The following DOCK2 variants were observed in gnomAD, a reference collection of about 807,000 sequenced individuals.
DOCK2 encodes dedicator of cytokinesis protein 2.
DOCK2 carries 87 observed loss-of-function variants against 248.9 expected under a neutral mutation model. The observed-to-expected ratio is 0.35, with a 90% CI of 0.29 to 0.42. The LOEUF is 0.42. Among genes scored for constraint, DOCK2 ranks in the 10% least tolerant of loss-of-function variants. The pLI is 1.00. For missense variants in DOCK2, 1,747 were observed against 2,300.2 expected (o/e 0.76, Z 4.92); for synonymous variants, 805 against 821.6 (o/e 0.98, Z 0.35).
chr5:169,690,258 T>A (rs1561603209), intron 9 of DOCK2, among the ~76,000 whole-genome samples: 2 of 152,142 alleles, frequency 1.3e-5, no homozygotes. Context: ...TAAGCTTCTT[T>A]GGGGAGAACA....
At chr5:169,681,403 C>T (rs769576153) in intron 6 of DOCK2, among the ~76,000 whole-genome samples, 6 of 150,952 alleles carry the variant, frequency 4.0e-5, no homozygotes, top group Admixed American at 4.0e-4. Flanking sequence ...GGATTACAGG[C>T]GTGAGTCACC....
chr5:169,766,410 T>C (rs951758037), intron 25 of DOCK2, among the ~76,000 whole-genome samples: 1 of 152,228 alleles, frequency 6.6e-6, no homozygotes, highest in Non-Finnish European at 1.5e-5. Context: ...TTTTAATCTT[T>C]TTTATGGCTG....
intron 23 of DOCK2, 120 bp from the exon 24 acceptor site, chr5:169,759,585 G>T: frequency 9.2e-7 from 1 of 1,084,134 alleles, no homozygotes; most frequent in East Asian, 2.5e-5. Flanking sequence ...CATCAATATT[G>T]TAATGTCCAG....
In DOCK2 at chr5:170,081,757, C is replaced by T. The variant is rs536958357; in HGVS notation, c.5288-85C>T. ...TGATCCCTGGATGCTGGCTCTGTCC[C>T]CCAGCCCTCCCCCTGTCTACCTCCC... On this transcript the variant is annotated intron_variant, in intron 50 of 51. Coordinates refer to ENST00000520908, the MANE Select transcript of DOCK2 (RefSeq NM_004946.3). 3,453 of 1,304,212 alleles carry T rather than the reference C, an allele frequency of 2.6e-3. 48 individuals carry two copies. The highest frequency in any genetic ancestry group is 3.2e-3 in the Non-Finnish European group (3,101 of 973,196). 80.8% of individuals were successfully genotyped at this position (1,304,212 alleles called of 1,614,324 possible).
intron 27 of DOCK2, among the ~76,000 whole-genome samples, chr5:169,844,736 C>T (rs1252391223): frequency 2.1e-5 from 3 of 146,242 alleles, no homozygotes; most frequent in Non-Finnish European, 1.5e-5. Context: ...TGCTCTGCCT[C>T]TTTTTTTTTT....
intron 44 of DOCK2, among the ~76,000 whole-genome samples, chr5:170,065,216 C>T (rs149319677): frequency 1.4e-3 from 217 of 151,960 alleles, no homozygotes; most frequent in African/African-American, 4.9e-3. Flanking sequence ...TTTATGTAAG[C>T]CTCAGGGTAA....
intron 27 of DOCK2, among the ~76,000 whole-genome samples, chr5:169,903,920 C>A (rs1466732292): frequency 6.6e-6 from 1 of 151,790 alleles, no homozygotes; most frequent in Non-Finnish European, 1.5e-5. Context: ...GCCAACATGG[C>A]GAAGCTCTGC....
intron 2 of DOCK2, among the ~76,000 whole-genome samples, chr5:169,668,536 G>A (rs956371205): frequency 1.3e-5 from 2 of 152,054 alleles, no homozygotes; most frequent in Non-Finnish European, 2.9e-5. Context: ...TGACAGACGC[G>A]TTTTATTTAC....
chr5:169,695,902 T>C lies in DOCK2; in HGVS notation c.943T>C (p.Cys315Arg). Residue 315 changes from cysteine to arginine, a missense_variant, in exon 10 of 52, where the codon TGC becomes CGC. Physicochemically the swap from Cys to Arg is radical, Grantham distance 180 (BLOSUM62 -3). Transcript: ENST00000520908. ...MDLKDTGAKK[C>R]TQGLRRPFGV... ...TCTTAAGGATACTGGTGCAAAGAAG[T>C]GCACGCAGGGACTGAGGAGGCCCTT... The C allele has an allele frequency of 6.2e-7, 1 of 1,613,560 alleles. No homozygotes were observed. Among genetic ancestry groups the C allele is most frequent in the Middle Eastern group, 1.7e-4 (1 of 6,058 alleles).
At chr5:169,748,203 G>T (rs1164128852) in intron 23 of DOCK2, among the ~76,000 whole-genome samples, 1 of 151,536 alleles carries the variant, frequency 6.6e-6, no homozygotes, top group Non-Finnish European at 1.5e-5. Context: ...TCTTTTAGAT[G>T]CTAATTTAAA....
At chr5:169,962,269 G>A (rs1183959980) in intron 27 of DOCK2, among the ~76,000 whole-genome samples, 1 of 152,148 alleles carries the variant, frequency 6.6e-6, no homozygotes, top group East Asian at 1.9e-4. Flanking sequence ...GACTGACCTG[G>A]GGTGGAGAGA....
chr5:169,794,620 T>C (rs182717343), intron 25 of DOCK2, among the ~76,000 whole-genome samples: 2 of 152,312 alleles, frequency 1.3e-5, no homozygotes, highest in East Asian at 3.9e-4. Context: ...CATATTCACA[T>C]CCTGTTAAAA....
intron 27 of DOCK2, among the ~76,000 whole-genome samples, chr5:169,903,808 G>A: frequency 6.6e-6 from 1 of 152,096 alleles, no homozygotes; most frequent in South Asian, 2.1e-4. Context: ...GTGGGTTTTA[G>A]GGGAGGAGAA....
At chr5:169,744,983 A>G (rs1763528218) in intron 22 of DOCK2, among the ~76,000 whole-genome samples, 1 of 152,178 alleles carries the variant, frequency 6.6e-6, no homozygotes, top group South Asian at 2.1e-4. Context: ...GGGATGTTAA[A>G]TGTGGGTGGG....
intron 32 of DOCK2, among the ~76,000 whole-genome samples, chr5:170,017,441 C>G (rs1755572690): frequency 6.6e-6 from 1 of 152,158 alleles, no homozygotes; most frequent in Admixed American, 6.5e-5. Context: ...CCTAAGTGCT[C>G]CTCTTTATTC....
intron 6 of DOCK2, among the ~76,000 whole-genome samples, chr5:169,678,215 A>G (rs1033252847): frequency 1.3e-4 from 18 of 137,424 alleles, no homozygotes; most frequent in Non-Finnish European, 9.0e-5. Context: ...AGACTAAGGA[A>G]AAAAAAAGGC....
chr5:169,859,655 C>G (rs992841435), intron 27 of DOCK2, among the ~76,000 whole-genome samples: 3 of 152,212 alleles, frequency 2.0e-5, no homozygotes, highest in African/African-American at 7.2e-5. Flanking sequence ...CTTATGCTTC[C>G]TGGAATGGCC....
intron 22 of DOCK2, among the ~76,000 whole-genome samples, chr5:169,746,595 G>A (rs1314581795): frequency 1.3e-5 from 2 of 152,172 alleles, no homozygotes; most frequent in Non-Finnish European, 2.9e-5. Context: ...CACGGTTGGT[G>A]ATAAACATTT....
chr5:169,892,583 G>A (rs992097822), intron 27 of DOCK2, among the ~76,000 whole-genome samples: 3 of 152,194 alleles, frequency 2.0e-5, no homozygotes, highest in African/African-American at 7.2e-5. Flanking sequence ...TCCGATGGAT[G>A]GGCAAGCCAC....
Sources: gnomAD v4.1 joint callset for allele counts (sites outside exome capture counted in the v4.1 genomes callset) on GRCh38, gnomAD v4.1.1 for gene constraint, MANE v1.5 for transcripts, NCBI Gene and HGNC (gene_info 2026-07-23, HGNC 2026-07-21) for gene names.